The following CACNA2D3 variants were observed in gnomAD, a reference collection of about 807,000 sequenced individuals.
CACNA2D3 encodes the protein voltage-dependent calcium channel subunit alpha-2/delta-3.
In CACNA2D3, 60 loss-of-function variants were observed where a neutral mutation model predicts 160.6. That is an observed-to-expected ratio of 0.37 (90% CI 0.30 to 0.46). CACNA2D3 has a LOEUF of 0.46. CACNA2D3 is among the 20% of genes least tolerant of loss of function. CACNA2D3 has a pLI of 1.00. For missense variants in CACNA2D3, 1,205 were observed against 1,365.0 expected (o/e 0.88, Z 1.85); for synonymous variants, 558 against 492.9 (o/e 1.13, Z -1.75).
At position 54,137,405 on chromosome 3, in the gene CACNA2D3, G is replaced by A. The variant is rs368717797; in HGVS notation, c.204+13811G>A. On this transcript the variant is annotated intron_variant, in intron 2 of 37. Coordinates refer to ENST00000474759, the MANE Select transcript of CACNA2D3 (RefSeq NM_018398.3). ...TTTTCTTCTTACCAAATAGGTTACCGGGACCTGTGGTTACTAGCCCTTTAA... is the reference window on the plus strand; with the variant it reads ...TTTTCTTCTTACCAAATAGGTTACCAGGACCTGTGGTTACTAGCCCTTTAA... Among the ~76,000 whole-genome samples the A allele has an allele frequency of 2.8e-4, 43 of 152,284 alleles. No individual in the cohort carries two copies. In the East Asian group the frequency reaches 6.9e-3, roughly 25 times the overall value.
chr3:54,362,122 A>G (rs114739126), intron 3 of CACNA2D3, among the ~76,000 whole-genome samples: 80 of 152,320 alleles, frequency 5.3e-4, no homozygotes, highest in African/African-American at 1.9e-3. Flanking sequence ...GGATAAGATG[A>G]TGCCAGTTTA....
At chr3:54,309,745 T>G (rs564088783) in intron 2 of CACNA2D3, among the ~76,000 whole-genome samples, 1 of 152,236 alleles carries the variant, frequency 6.6e-6, no homozygotes, top group African/African-American at 2.4e-5. Flanking sequence ...TAGCTGGAAG[T>G]TCTTAAAAGC....
chr3:54,487,205 A>G (rs891021391), intron 4 of CACNA2D3, among the ~76,000 whole-genome samples: 1 of 152,040 alleles, frequency 6.6e-6, no homozygotes, highest in Admixed American at 6.5e-5. Flanking sequence ...CATCTTTACA[A>G]AAAATGAATA....
intron 10 of CACNA2D3, among the ~76,000 whole-genome samples, chr3:54,633,948 C>A (rs541795939): frequency 4.6e-5 from 7 of 152,164 alleles, no homozygotes; most frequent in Non-Finnish European, 1.0e-4. Context: ...CATGGTACCC[C>A]GTGCGTGATT....
intron 18 of CACNA2D3, among the ~76,000 whole-genome samples, chr3:54,873,368 CTTCACT>C (rs955005485): frequency 6.6e-6 from 1 of 151,426 alleles, no homozygotes; most frequent in Non-Finnish European, 1.5e-5. Flanking sequence ...CCTCTTCCTT[CTTCACT>C]TTATCTGTTG....
At chr3:54,709,371 T>C (rs1259388643) in intron 11 of CACNA2D3, among the ~76,000 whole-genome samples, 1 of 151,574 alleles carries the variant, frequency 6.6e-6, no homozygotes. Flanking sequence ...TCTCTTTTTT[T>C]TTTTCTTAAA....
At chr3:54,288,280 A>G (rs1401608799) in intron 2 of CACNA2D3, among the ~76,000 whole-genome samples, 15 of 152,218 alleles carry the variant, frequency 9.9e-5, no homozygotes, top group African/African-American at 3.1e-4. Context: ...TACCATCAGA[A>G]AATACTACAA....
intron 2 of CACNA2D3, among the ~76,000 whole-genome samples, chr3:54,127,665 A>G (rs1699621709): frequency 6.6e-6 from 1 of 152,234 alleles, no homozygotes; most frequent in African/African-American, 2.4e-5. Flanking sequence ...TTTAATTCAT[A>G]GCATTACTTT....
chr3:54,918,169 A>T (rs1472702513), intron 27 of CACNA2D3: 1 of 299,830 alleles, frequency 3.3e-6, no homozygotes, highest in Non-Finnish European at 6.2e-6. Context: ...AAGAGATGGC[A>T]TCTTCCCTTT....
At chr3:54,738,844 G>C (rs1350532434) in intron 11 of CACNA2D3, among the ~76,000 whole-genome samples, 1 of 152,078 alleles carries the variant, frequency 6.6e-6, no homozygotes, top group Non-Finnish European at 1.5e-5. Context: ...AACTTTTCTT[G>C]CTTTTCTCTT....
At chr3:54,755,925 C>T (rs1399721920) in intron 12 of CACNA2D3, among the ~76,000 whole-genome samples, 2 of 151,992 alleles carry the variant, frequency 1.3e-5, no homozygotes, top group Non-Finnish European at 2.9e-5. Context: ...TGTCTGTGTC[C>T]AGCTGATGAA....
intron 3 of CACNA2D3, among the ~76,000 whole-genome samples, chr3:54,369,555 A>G (rs1457423949): frequency 6.6e-6 from 1 of 152,120 alleles, no homozygotes; most frequent in Non-Finnish European, 1.5e-5. Flanking sequence ...TTTATTTAGG[A>G]TGAATCTCAG....
At chr3:54,936,630 A>G (rs975395141) in intron 27 of CACNA2D3, among the ~76,000 whole-genome samples, 1 of 152,134 alleles carries the variant, frequency 6.6e-6, no homozygotes, top group Non-Finnish European at 1.5e-5. Context: ...ATATTGGGTT[A>G]CCTACTACAT....
intron 11 of CACNA2D3, among the ~76,000 whole-genome samples, chr3:54,714,981 G>C (rs537496129): frequency 3.9e-5 from 6 of 152,166 alleles, no homozygotes; most frequent in Non-Finnish European, 7.3e-5. Context: ...GCAATCAACT[G>C]TCCAGCAGAT....
intron 34 of CACNA2D3, among the ~76,000 whole-genome samples, chr3:55,012,760 C>T (rs756029089): frequency 1.2e-4 from 18 of 152,062 alleles, no homozygotes; most frequent in Non-Finnish European, 2.2e-4. Flanking sequence ...AAAGAAATAT[C>T]CCACTCAAAG....
At chr3:55,073,342 TTACAAAA>T in intron 35 of CACNA2D3, 96 bp from the exon 36 acceptor site, 1 of 670,240 alleles carries the variant, frequency 1.5e-6, no homozygotes, top group Non-Finnish European at 2.5e-6. Context: ...AAAATTTGCT[TTACAAAA>T]TATGGTAGTT....
At position 54,546,654 on chromosome 3, in the gene CACNA2D3, A is replaced by G. The variant is rs191375605; in HGVS notation, c.545-16146A>G. Reference sequence around the variant, plus strand: ...CTCCTTGCTATAATCTTTTTTGGTTAACCAACCAACTGCGTATCATGATTA... The same window carrying G: ...CTCCTTGCTATAATCTTTTTTGGTTGACCAACCAACTGCGTATCATGATTA... On this transcript the variant is annotated intron_variant, in intron 5 of 37. Coordinates refer to ENST00000474759, the MANE Select transcript of CACNA2D3 (RefSeq NM_018398.3). Among the ~76,000 whole-genome samples the G allele has an allele frequency of 1.6e-3, 247 of 152,124 alleles. 1 individual carries two copies. The highest frequency in any genetic ancestry group is 4.9e-4 in the Non-Finnish European group (33 of 68,004).
At chr3:55,065,740 A>G (rs1704621365) in intron 35 of CACNA2D3, among the ~76,000 whole-genome samples, 1 of 151,898 alleles carries the variant, frequency 6.6e-6, no homozygotes, top group African/African-American at 2.4e-5. Context: ...AAGGAAGGAA[A>G]GGGAAGGAAA....
At chr3:55,042,744 A>G (rs1703983190) in intron 35 of CACNA2D3, among the ~76,000 whole-genome samples, 1 of 152,142 alleles carries the variant, frequency 6.6e-6, no homozygotes, top group Admixed American at 6.6e-5. Flanking sequence ...CAATTCTATC[A>G]TCTGAGAAAA....
Sources: gnomAD v4.1 joint callset for allele counts (sites outside exome capture counted in the v4.1 genomes callset) on GRCh38, gnomAD v4.1.1 for gene constraint, MANE v1.5 for transcripts, NCBI Gene and HGNC (gene_info 2026-07-23, HGNC 2026-07-21) for gene names.